Variants in CPED1 observed in about 807,000 individuals in gnomAD.
The protein encoded by CPED1 is cadherin-like and PC-esterase domain-containing protein 1.
CPED1 carries 114 observed loss-of-function variants against 128.2 expected under a neutral mutation model. The observed-to-expected ratio is 0.89, with a 90% CI of 0.76 to 1.04. The LOEUF (loss-of-function observed/expected upper bound fraction) is 1.04, where lower values mean the gene tolerates loss of function less well. Among genes scored for constraint, CPED1 ranks in the 50% least tolerant of loss-of-function variants. The pLI is 0.00. For synonymous variants in CPED1, 462 were observed against 426.7 expected (o/e 1.08, Z -1.02); for missense variants, 1,211 against 1,207.1 (o/e 1.00, Z -0.05).
chr7:121,036,725 A>G (rs1291897163), intron 3 of CPED1, among the ~76,000 whole-genome samples: 1 of 152,128 alleles, frequency 6.6e-6, no homozygotes, highest in African/African-American at 2.4e-5. Context: ...ACTGTTTTCC[A>G]TAGTGGTTGT....
chr7:121,149,684 AGTTTAT>A (rs1222436821), intron 16 of CPED1: 1 of 152,138 alleles, frequency 6.6e-6, no homozygotes, highest in Non-Finnish European at 1.5e-5. Flanking sequence ...TGTTGCTTCA[AGTTTAT>A]GTTTTGACAT....
At chr7:121,024,871 GAC>G (rs1034583367) in intron 3 of CPED1, among the ~76,000 whole-genome samples, 52 of 152,132 alleles carry the variant, frequency 3.4e-4, no homozygotes, top group Non-Finnish European at 1.9e-4. Flanking sequence ...GCTTTCAAAC[GAC>G]AGTTTGTGGA....
At chr7:120,994,022 C>A in intron 2 of CPED1, 1 of 230,406 alleles carries the variant, frequency 4.3e-6, no homozygotes, top group South Asian at 4.0e-5. Context: ...GTAGGAGCTT[C>A]CAGGTCTGTG....
At chr7:121,203,401 A>T (rs1797445814) in intron 16 of CPED1, among the ~76,000 whole-genome samples, 1 of 152,084 alleles carries the variant, frequency 6.6e-6, no homozygotes, top group South Asian at 2.1e-4. Flanking sequence ...CCCCCATGTT[A>T]AAAAATAATC....
intron 11 of CPED1, among the ~76,000 whole-genome samples, chr7:121,129,284 T>C (rs1361482245): frequency 2.6e-5 from 2 of 78,076 alleles, no homozygotes; most frequent in Non-Finnish European, 5.0e-5. Context: ...TGTGTGTATA[T>C]ATGTATATAT....
Position 121,289,221 on chromosome 7 carries a change from A to G in CPED1, c.2869-6219A>G, listed in dbSNP as rs189754039. On this transcript the variant is annotated intron_variant, in intron 22 of 22. Transcript: ENST00000310396. ...CTGAGGGCCAGATCAAGCAAAGCCAAACCTTCCATAGCTACAGGAAAACAT... is the reference window on the plus strand; with the variant it reads ...CTGAGGGCCAGATCAAGCAAAGCCAGACCTTCCATAGCTACAGGAAAACAT... Among the ~76,000 whole-genome samples the G allele has an allele frequency of 2.0e-5, 3 of 152,338 alleles. No homozygotes were observed. In the East Asian group the frequency reaches 5.8e-4, roughly 29 times the overall value.
chr7:121,228,554 C>G (rs1413049319), intron 16 of CPED1, among the ~76,000 whole-genome samples: 1 of 142,158 alleles, frequency 7.0e-6, no homozygotes, highest in Non-Finnish European at 1.5e-5. Context: ...TAAACTAGTA[C>G]TGCTACTATG....
At chr7:121,163,057 C>A (rs547727348) in intron 16 of CPED1, among the ~76,000 whole-genome samples, 1 of 152,284 alleles carries the variant, frequency 6.6e-6, no homozygotes, top group South Asian at 2.1e-4. Context: ...ACAAAGTCTA[C>A]CTGAGGTTTA....
intron 4 of CPED1, chr7:121,050,743 T>A: frequency 1.1e-5 from 5 of 450,936 alleles, no homozygotes; most frequent in Non-Finnish European, 2.2e-5. Flanking sequence ...GGATTATAGG[T>A]GTGAGCCACC....
chr7:121,195,333 T>C (rs149166775), intron 16 of CPED1, among the ~76,000 whole-genome samples: 443 of 152,240 alleles, frequency 2.9e-3, no homozygotes, highest in African/African-American at 9.9e-3. Flanking sequence ...CTTTCCATAG[T>C]TTAATTACTA....
intron 16 of CPED1, among the ~76,000 whole-genome samples, chr7:121,172,903 C>T (rs1796687327): frequency 1.3e-5 from 2 of 152,146 alleles, no homozygotes; most frequent in Non-Finnish European, 1.5e-5. Context: ...TGACAGCTTA[C>T]AGATGTCCAG....
At chr7:121,215,636 A>T (rs1023826885) in intron 16 of CPED1, among the ~76,000 whole-genome samples, 2 of 152,110 alleles carry the variant, frequency 1.3e-5, no homozygotes, top group African/African-American at 2.4e-5. Flanking sequence ...ATTTGTCTTC[A>T]TATCATTATT....
At chr7:121,035,813 A>T (rs1210792964) in intron 3 of CPED1, among the ~76,000 whole-genome samples, 5 of 151,438 alleles carry the variant, frequency 3.3e-5, no homozygotes, top group South Asian at 2.1e-4. Flanking sequence ...AGCCTAGGTG[A>T]CCGAGTGAGA....
chr7:121,242,073 C>T (rs1420385086), intron 17 of CPED1, among the ~76,000 whole-genome samples: 1 of 152,190 alleles, frequency 6.6e-6, no homozygotes, highest in Non-Finnish European at 1.5e-5. Flanking sequence ...TTGAGGTCCG[C>T]AGGGCCAGTT....
intron 18 of CPED1, among the ~76,000 whole-genome samples, chr7:121,264,226 C>T (rs898044153): frequency 2.0e-5 from 3 of 152,072 alleles, no homozygotes; most frequent in African/African-American, 7.2e-5. Context: ...TGAAGTCACA[C>T]AGTCTCTGGT....
At chr7:121,295,247 G>T (rs1349323952) in intron 22 of CPED1, among the ~76,000 whole-genome samples, 193 bp from the exon 23 acceptor site, 1 of 152,026 alleles carries the variant, frequency 6.6e-6, no homozygotes, top group Non-Finnish European at 1.5e-5. Flanking sequence ...GGTAAGAAAA[G>T]TGACAAAGTT....
At chr7:121,141,134 GT>G in intron 15 of CPED1, 121 bp downstream of exon 15, 1 of 683,832 alleles carries the variant, frequency 1.5e-6, no homozygotes, top group Non-Finnish European at 2.3e-6. Context: ...TTGCCAGGAT[GT>G]GAACTTTCCC....
intron 16 of CPED1, among the ~76,000 whole-genome samples, chr7:121,220,827 G>A (rs1797858300): frequency 6.6e-6 from 1 of 151,850 alleles, no homozygotes; most frequent in African/African-American, 2.4e-5. Context: ...TATCATTCCA[G>A]AACTTACGTG....
At chr7:121,178,065 G>A (rs190368021) in intron 16 of CPED1, among the ~76,000 whole-genome samples, 21 of 152,148 alleles carry the variant, frequency 1.4e-4, no homozygotes, top group Admixed American at 4.6e-4. Flanking sequence ...CTTGAATCCA[G>A]ATCTTTTTGT....
Sources: gnomAD v4.1 joint callset for allele counts (sites outside exome capture counted in the v4.1 genomes callset) on GRCh38, gnomAD v4.1.1 for gene constraint, MANE v1.5 for transcripts, NCBI Gene and HGNC (gene_info 2026-07-23, HGNC 2026-07-21) for gene names.